The following MSR1 variants were observed in gnomAD, a reference collection of about 807,000 sequenced individuals.
MSR1 encodes the protein macrophage scavenger receptor types I and II.
In MSR1, 53 loss-of-function variants were observed where a neutral mutation model predicts 47.2. The observed-to-expected ratio is 1.12, with a 90% confidence interval of 0.90 to 1.41. The LOEUF (loss-of-function observed/expected upper bound fraction) is 1.41. Ranked by LOEUF, MSR1 falls within the 40% of genes most tolerant of loss-of-function variation. The pLI is 0.00. For missense variants in MSR1, 786 were observed against 546.9 expected, an observed-to-expected ratio of 1.44 and a Z score of -4.36; for synonymous variants, 239 against 185.6, an observed-to-expected ratio of 1.29 and a Z score of -2.34.
chr8:16,110,651 A>C, intron 9 of MSR1, among the ~76,000 whole-genome samples: 1 of 152,184 alleles, frequency 6.6e-6, no homozygotes, highest in Non-Finnish European at 1.5e-5. Context: ...AAACCGGAAA[A>C]AGGAAAACTT....
At chr8:16,113,929 C>T (rs1384555514) in intron 9 of MSR1, among the ~76,000 whole-genome samples, 2 of 125,882 alleles carry the variant, frequency 1.6e-5, no homozygotes, top group African/African-American at 3.0e-5. Flanking sequence ...ATAATGACTA[C>T]GTAAATTTGT....
chr8:16,114,179 T>C (rs1799824533), intron 9 of MSR1, among the ~76,000 whole-genome samples: 1 of 152,070 alleles, frequency 6.6e-6, no homozygotes, highest in African/African-American at 2.4e-5. Flanking sequence ...CATTAAGGGA[T>C]AGTTCAGAGG....
At chr8:16,147,747 T>C (rs1800739677) in intron 7 of MSR1, among the ~76,000 whole-genome samples, 1 of 152,180 alleles carries the variant, frequency 6.6e-6, no homozygotes, top group South Asian at 2.1e-4. Flanking sequence ...TGCTGACATC[T>C]CTACCAGATT....
At chr8:16,156,591 A>T (rs34050499) in intron 5 of MSR1, among the ~76,000 whole-genome samples, 1,987 of 151,772 alleles carry the variant, frequency 0.013, 41 homozygotes, top group African/African-American at 0.046. Context: ...TATAAAAGCA[A>T]CTCTACTTAT....
chr8:16,119,740 C>G (rs1346826058), intron 9 of MSR1, among the ~76,000 whole-genome samples: 1 of 151,980 alleles, frequency 6.6e-6, no homozygotes, highest in Non-Finnish European at 1.5e-5. Flanking sequence ...ACAGGTCTTG[C>G]TCTGTCACCC....
intron 1 of MSR1, among the ~76,000 whole-genome samples, chr8:16,190,752 G>A (rs10113091): frequency 0.016 from 2,298 of 145,030 alleles, 60 homozygotes; most frequent in African/African-American, 0.058. Context: ...ATGGAGTTTC[G>A]CTCTTGTTGC....
intron 7 of MSR1, among the ~76,000 whole-genome samples, chr8:16,147,757 T>G (rs746064349): frequency 4.6e-5 from 7 of 152,142 alleles, no homozygotes; most frequent in Non-Finnish European, 1.0e-4. Flanking sequence ...TCTACCAGAT[T>G]GGTGTCTTTT....
At chr8:16,190,502 G>T (rs1221857926) in intron 1 of MSR1, among the ~76,000 whole-genome samples, 1 of 152,032 alleles carries the variant, frequency 6.6e-6, no homozygotes, top group South Asian at 2.1e-4. Context: ...GTAAGAGAGA[G>T]ATTTCACTGT....
At chr8:16,161,729 A>C (rs542867721) in intron 5 of MSR1, among the ~76,000 whole-genome samples, 1 of 152,104 alleles carries the variant, frequency 6.6e-6, no homozygotes, top group African/African-American at 2.4e-5. Flanking sequence ...AATTTTACTA[A>C]CTATGAGCAT....
intron 8 of MSR1, among the ~76,000 whole-genome samples, chr8:16,126,062 G>C (rs1037717672): frequency 3.3e-5 from 5 of 151,832 alleles, no homozygotes; most frequent in African/African-American, 1.2e-4. Context: ...CTTTATTTTT[G>C]AAATATATTT....
chr8:16,184,747 C>T (rs988499488), intron 1 of MSR1, among the ~76,000 whole-genome samples: 1 of 152,096 alleles, frequency 6.6e-6, no homozygotes. Flanking sequence ...CTCCCTTTCA[C>T]TTTGAACTAG....
At position 16,164,167 on chromosome 8, in the gene MSR1, C is replaced by T; in HGVS notation, c.715G>A (p.Glu239Lys). ...AGTACTTTCACTTCTCCTTTTATTT[C>T]CTGTTCCAAATGCACTTGTTCTTCT... Reference protein sequence around the residue: ...MKEEQVHLEQEIKGEVKVLNN... With the variant: ...MKEEQVHLEQKIKGEVKVLNN... Residue 239 changes from glutamate to lysine, a missense_variant, in exon 5 of 10, where the codon GAA (glutamate) becomes AAA (lysine). Glu to Lys is a moderately conservative substitution (Grantham distance 56, BLOSUM62 1). Coordinates refer to ENST00000262101, the MANE Select transcript of MSR1 (RefSeq NM_138715.3). 3 of 1,612,084 alleles carry T rather than the reference C, an allele frequency of 1.9e-6. No individual in the cohort carries two copies. The highest frequency in any genetic ancestry group is 1.7e-6 in the Non-Finnish European group (2 of 1,178,736).
chr8:16,109,952 T>C lies in MSR1; in HGVS notation c.*133A>G, dbSNP rs1476493978. 1 of 1,036,286 alleles carries C rather than the reference T, an allele frequency of 9.6e-7. No homozygotes were observed. The highest frequency in any genetic ancestry group is 1.4e-6 in the Non-Finnish European group (1 of 693,194). The allele number at this position is 1,036,286 out of a possible 1,614,324, so 64.2% of individuals were successfully genotyped here. A position where few individuals can be genotyped will look rare whatever the true frequency, so the allele number is the denominator to read the frequency against. Reference sequence around the variant, plus strand: ...AGCATGAAGGTGTTCAATATATTAATCCTGTAATCTAAAATATTATTTGGG... The same window carrying C: ...AGCATGAAGGTGTTCAATATATTAACCCTGTAATCTAAAATATTATTTGGG... On this transcript the variant is annotated 3_prime_UTR_variant, in exon 10 of 10. Transcript: ENST00000262101.
At chr8:16,150,872 ACACACACACACACATG>A (rs1800838507) in intron 6 of MSR1, among the ~76,000 whole-genome samples, 1 of 151,672 alleles carries the variant, frequency 6.6e-6, no homozygotes, top group South Asian at 2.1e-4. Flanking sequence ...ACACACACAC[ACACACACACACACATG>A]CGATACACAG....
chr8:16,122,965 C>T (rs539421673), intron 8 of MSR1, among the ~76,000 whole-genome samples: 183 of 151,224 alleles, frequency 1.2e-3, no homozygotes, highest in Non-Finnish European at 1.7e-3. Flanking sequence ...CTGCCTCAGC[C>T]TCCGGAGTAG....
At chr8:16,150,538 T>C (rs1035560358) in intron 6 of MSR1, among the ~76,000 whole-genome samples, 3 of 152,082 alleles carry the variant, frequency 2.0e-5, no homozygotes, top group African/African-American at 7.2e-5. Context: ...AAATAACATA[T>C]TGTTGGTAGA....
chr8:16,158,633 T>C (rs1801077238), intron 5 of MSR1, among the ~76,000 whole-genome samples: 1 of 151,966 alleles, frequency 6.6e-6, no homozygotes, highest in African/African-American at 2.4e-5. Flanking sequence ...TGCTTCTTTT[T>C]TTTTTCTCTA....
intron 1 of MSR1, among the ~76,000 whole-genome samples, chr8:16,189,325 C>CATTTCATATATATATAAAATCTTATTTAT (rs1802099684): frequency 3.5e-5 from 4 of 114,152 alleles, no homozygotes; most frequent in Non-Finnish European, 6.5e-5. Flanking sequence ...ATCTTATTTA[C>CATTTCATATATATATAAAATCTTATTTAT]ATTTCATATA....
At chr8:16,143,233 G>T (rs1425029494) in intron 8 of MSR1, among the ~76,000 whole-genome samples, 1 of 152,126 alleles carries the variant, frequency 6.6e-6, no homozygotes, top group African/African-American at 2.4e-5. Flanking sequence ...GGTTGTAATT[G>T]TTTCTATGCA....
Sources: gnomAD v4.1 joint callset for allele counts (sites outside exome capture counted in the v4.1 genomes callset) on GRCh38, gnomAD v4.1.1 for gene constraint, MANE v1.5 for transcripts, NCBI Gene and HGNC (gene_info 2026-07-23, HGNC 2026-07-21) for gene names.